SPATA31H1: variants seen among roughly 807,000 people sequenced by gnomAD.
SPATA31H1 encodes SPATA31 subfamily H member 1.
the SPATA31H1 span, chr2:27,579,409 G>A: frequency 9.3e-6 from 15 of 1,614,162 alleles, no homozygotes; most frequent in Non-Finnish European, 1.3e-5. Context: ...CCAGAGAAGG[G>A]TCCAGTTACT....
the SPATA31H1 span, chr2:27,572,260 C>T: frequency 1.8e-5 from 7 of 398,274 alleles, no homozygotes; most frequent in East Asian, 2.5e-4. Flanking sequence ...CCCTTGGGCT[C>T]GACTGTAGAG....
chr2:27,573,592 C>T, the SPATA31H1 span: 4 of 398,374 alleles, frequency 1.0e-5, no homozygotes, highest in Admixed American at 4.4e-5. Flanking sequence ...ACTGTGAAAT[C>T]ATGTGGCCCA....
At chr2:27,579,518 C>A in the SPATA31H1 span, 2 of 1,614,040 alleles carry the variant, frequency 1.2e-6, no homozygotes, top group Non-Finnish European at 1.7e-6. Flanking sequence ...CACGTGGCTC[C>A]ACATCTTCCA....
the SPATA31H1 span, chr2:27,574,879 A>G: frequency 2.5e-6 from 1 of 398,528 alleles, no homozygotes. Context: ...TCACACTTGC[A>G]AGGTATGAAA....
chr2:27,566,428 G>A, the SPATA31H1 span: 1 of 710,468 alleles, frequency 1.4e-6, no homozygotes, highest in African/African-American at 1.8e-5. Context: ...GGTGGTAGAG[G>A]TTTTAAAAAG....
chr2:27,571,001 A>T, the SPATA31H1 span: 1 of 398,694 alleles, frequency 2.5e-6, no homozygotes, highest in Non-Finnish European at 4.4e-6. Flanking sequence ...GACCACAGTT[A>T]CAAAACGTAA....
the SPATA31H1 span, chr2:27,567,878 G>A: frequency 5.0e-6 from 2 of 398,884 alleles, no homozygotes; most frequent in African/African-American, 2.1e-5. Flanking sequence ...ATTCAATGGG[G>A]ATGATCCCAG....
At chr2:27,562,337 G>A in the SPATA31H1 span, among the ~76,000 whole-genome samples, 2 of 151,644 alleles carry the variant, frequency 1.3e-5, no homozygotes, top group African/African-American at 2.4e-5. Context: ...GCAACATAAT[G>A]AGACCTCGTC....
chr2:27,578,012 G>A, the SPATA31H1 span: 3 of 1,613,948 alleles, frequency 1.9e-6, no homozygotes, highest in Admixed American at 5.0e-5. Context: ...TTAGTCCAGA[G>A]CCACTAGATC....
chr2:27,574,215 T>C, the SPATA31H1 span: 1 of 398,434 alleles, frequency 2.5e-6, no homozygotes, highest in Non-Finnish European at 4.4e-6. Context: ...GTTGCAAGAT[T>C]TGAAATCTTC....
chr2:27,537,537 C>G, the SPATA31H1 span: 1 of 717,240 alleles, frequency 1.4e-6, no homozygotes, highest in Non-Finnish European at 2.6e-6. Context: ...GGAATCGGAG[C>G]TGGAAGCAGG....
chr2:27,550,567 T>G, the SPATA31H1 span, among the ~76,000 whole-genome samples: 3 of 151,494 alleles, frequency 2.0e-5, no homozygotes, highest in African/African-American at 7.3e-5. Context: ...TACAGGCAAG[T>G]GCCACCAGGC....
the SPATA31H1 span, among the ~76,000 whole-genome samples, chr2:27,551,039 C>A: frequency 6.6e-6 from 1 of 151,696 alleles, no homozygotes; most frequent in Non-Finnish European, 1.5e-5. Context: ...AAGGCACCTG[C>A]CACCATACTC....
At chr2:27,553,298 T>C in the SPATA31H1 span, among the ~76,000 whole-genome samples, 4 of 152,054 alleles carry the variant, frequency 2.6e-5, no homozygotes, top group African/African-American at 4.8e-5. Flanking sequence ...AGCTCTATGG[T>C]CCCAAATTGT....
chr2:27,578,850 G>A, the SPATA31H1 span: 1 of 1,614,032 alleles, frequency 6.2e-7, no homozygotes, highest in South Asian at 1.1e-5. Flanking sequence ...TGGGATACAG[G>A]AAGTATCCAG....
chr2:27,578,145 A>C, the SPATA31H1 span: 1 of 1,614,076 alleles, frequency 6.2e-7, no homozygotes, highest in Non-Finnish European at 8.5e-7. Context: ...TCAAATTGTA[A>C]AGTCTGTGAC....
chr2:27,554,210 C>T, the SPATA31H1 span, among the ~76,000 whole-genome samples: 1 of 151,998 alleles, frequency 6.6e-6, no homozygotes, highest in Non-Finnish European at 1.5e-5. Context: ...CTTTCTGAGC[C>T]CTCAGCAGCA....
the SPATA31H1 span, among the ~76,000 whole-genome samples, chr2:27,558,470 A>C: frequency 0.019 from 1 of 52 alleles, no homozygotes; most frequent in East Asian, 0.083. Context: ...TGGGTGGCCA[A>C]GCAGAGACGC....
At chr2:27,566,766 T>C in the SPATA31H1 span, 26 of 713,014 alleles carry the variant, frequency 3.6e-5, no homozygotes, top group African/African-American at 3.7e-4. Context: ...TTTGCCTGAA[T>C]CACAGGATAT....
Sources: gnomAD v4.1 joint callset for allele counts (sites outside exome capture counted in the v4.1 genomes callset) on GRCh38, gnomAD v4.1.1 for gene constraint, MANE v1.5 for transcripts, NCBI Gene and HGNC (gene_info 2026-07-23, HGNC 2026-07-21) for gene names.